The following NEMP2 variants were observed in gnomAD, a reference collection of about 807,000 sequenced individuals.
NEMP2 encodes UPF0571 transmembrane protein.
Under a neutral mutation model 54.2 loss-of-function variants are expected in NEMP2, and 53 were observed. The observed-to-expected ratio is 0.98, with a 90% CI of 0.78 to 1.23. The LOEUF is 1.23. Ranked by LOEUF, NEMP2 falls within the 50% of genes most tolerant of loss-of-function variation. The pLI is 0.00. For missense variants in NEMP2, 455 were observed against 511.3 expected (o/e 0.89, Z 1.06); for synonymous variants, 197 against 190.3 (o/e 1.04, Z -0.29).
the NEMP2 span, among the ~76,000 whole-genome samples, chr2:190,490,562 CA>C: frequency 6.2e-5 from 9 of 144,160 alleles, no homozygotes; most frequent in Middle Eastern, 3.5e-3. The surrounding 1 kb of genome is among the most constrained non-coding windows in gnomAD (Gnocchi z 4.5). Flanking sequence ...GACTCCCTCT[CA>C]AAAAAAAAAC....
chr2:190,505,788 G>A lies in NEMP2; in HGVS notation c.*3401C>T, dbSNP rs1238561311. Reference sequence around the variant, plus strand: ...AGATTAGAAAAACAGCAGTCACAGAGAGGAAAAAGTTGGCAGGACCTGCAT... The same window carrying A: ...AGATTAGAAAAACAGCAGTCACAGAAAGGAAAAAGTTGGCAGGACCTGCAT... On this transcript the variant is annotated 3_prime_UTR_variant, in exon 9 of 9. Transcript: ENST00000409150. This position sits in a 1 kb window ranked among gnomAD's most constrained non-coding sequence, Gnocchi z 5.8. 6.6e-6 allele frequency: 1 copy of A among 152,210 alleles called. No homozygotes were observed. Among genetic ancestry groups the A allele is most frequent in the African/African-American group, 2.4e-5 (1 of 41,446 alleles). 9.4% of individuals were successfully genotyped at this position (152,210 alleles called of 1,614,324 possible).
the NEMP2 span, among the ~76,000 whole-genome samples, chr2:190,443,258 C>A: frequency 6.6e-6 from 1 of 152,078 alleles, no homozygotes; most frequent in Admixed American, 6.6e-5. The surrounding 1 kb of genome is among the most constrained non-coding windows in gnomAD (Gnocchi z 4.2). Flanking sequence ...AGTCAGATTG[C>A]CTGGCTCTGC....
the NEMP2 span, among the ~76,000 whole-genome samples, chr2:190,559,728 G>C: frequency 6.6e-6 from 1 of 152,212 alleles, no homozygotes; most frequent in African/African-American, 2.4e-5. The surrounding 1 kb of genome is among the most constrained non-coding windows in gnomAD (Gnocchi z 4.0). Context: ...TAGGCATGCA[G>C]TTGTGAGGAG....
the NEMP2 span, among the ~76,000 whole-genome samples, chr2:190,621,851 G>A: frequency 6.6e-6 from 1 of 152,200 alleles, no homozygotes; most frequent in African/African-American, 2.4e-5. Context: ...GCTCATGCCT[G>A]TAATCCCAGC....
chr2:190,473,844 A>G, the NEMP2 span, among the ~76,000 whole-genome samples: 2 of 152,330 alleles, frequency 1.3e-5, no homozygotes, highest in African/African-American at 4.8e-5. Context: ...ATGTAAAAGA[A>G]CAGAAATTAT....
the NEMP2 span, chr2:190,624,918 T>A: frequency 6.6e-6 from 1 of 152,218 alleles, no homozygotes. Flanking sequence ...CCACTTCACA[T>A]CCATTAAATC....
chr2:190,561,888 T>A, the NEMP2 span, among the ~76,000 whole-genome samples: 2 of 151,942 alleles, frequency 1.3e-5, no homozygotes, highest in East Asian at 3.9e-4. The surrounding 1 kb of genome is among the most constrained non-coding windows in gnomAD (Gnocchi z 5.4). Flanking sequence ...CCTGGAAGAG[T>A]CTCAGAGGCT....
the NEMP2 span, chr2:190,609,725 G>A: frequency 6.6e-6 from 1 of 152,146 alleles, no homozygotes; most frequent in Middle Eastern, 3.2e-3. This position sits in a 1 kb window ranked among gnomAD's most constrained non-coding sequence, Gnocchi z 4.7. Context: ...TTTCTATCAT[G>A]CTTGTATATT....
Position 190,533,586 on chromosome 2 carries a change from A to G in NEMP2, c.97+973T>C, listed in dbSNP as rs1366241493. Among the ~76,000 whole-genome samples the G allele has an allele frequency of 6.6e-6, 1 of 152,124 alleles. No homozygotes were observed. The highest frequency in any genetic ancestry group is 1.5e-5 in the Non-Finnish European group (1 of 68,016). On this transcript the variant is annotated intron_variant, in intron 1 of 8. Coordinates refer to ENST00000409150, the MANE Select transcript of NEMP2 (RefSeq NM_001142645.2). This position sits in a 1 kb window ranked among gnomAD's most constrained non-coding sequence, Gnocchi z 4.3. ...GTTGGGAGCTGTGGCAGAATCTGAT[A>G]ATGACCTCATCAACATCCAGTCTCT...
At chr2:190,578,823 A>G in the NEMP2 span, among the ~76,000 whole-genome samples, 2 of 152,012 alleles carry the variant, frequency 1.3e-5, no homozygotes, top group Non-Finnish European at 2.9e-5. This position sits in a 1 kb window ranked among gnomAD's most constrained non-coding sequence, Gnocchi z 4.4. Flanking sequence ...AGTGCCAGGA[A>G]CACCCATTTC....
At chr2:190,641,538 TGGA>T in the NEMP2 span, 3 of 152,404 alleles carry the variant, frequency 2.0e-5, no homozygotes, top group African/African-American at 7.3e-5. Context: ...GCAAACAGGG[TGGA>T]GAAGGGTAAA....
At chr2:190,477,684 A>T in the NEMP2 span, among the ~76,000 whole-genome samples, 1 of 152,388 alleles carries the variant, frequency 6.6e-6, no homozygotes, top group East Asian at 1.9e-4. Flanking sequence ...ATATTAACTC[A>T]GGCCACAAGG....
the NEMP2 span, among the ~76,000 whole-genome samples, chr2:190,631,706 A>C: frequency 6.6e-6 from 1 of 152,180 alleles, no homozygotes; most frequent in Non-Finnish European, 1.5e-5. Flanking sequence ...TAATTTCTCA[A>C]ATCCTCACTT....
At chr2:190,461,791 G>T in the NEMP2 span, among the ~76,000 whole-genome samples, 1 of 152,054 alleles carries the variant, frequency 6.6e-6, no homozygotes, top group East Asian at 1.9e-4. This position sits in a 1 kb window ranked among gnomAD's most constrained non-coding sequence, Gnocchi z 5.5. Flanking sequence ...ATTTTGGAGG[G>T]TATACAGACA....
rs1214509807 is a variant in NEMP2 at position 190,522,679 on chromosome 2, T to C, written c.213+2584A>G. Among the ~76,000 whole-genome samples, 1 of 152,182 alleles carries C rather than the reference T, an allele frequency of 6.6e-6. No homozygotes were observed. ...ATATCAATACAGACCTTAAGTCTGA[T>C]AAGAAGCATTTATAATCTATTCTCT... On this transcript the variant is annotated intron_variant, in intron 2 of 8. Transcript: ENST00000409150. This position sits in a 1 kb window ranked among gnomAD's most constrained non-coding sequence, Gnocchi z 5.0.
the NEMP2 span, among the ~76,000 whole-genome samples, chr2:190,571,178 A>G: frequency 6.6e-6 from 1 of 152,236 alleles, no homozygotes; most frequent in African/African-American, 2.4e-5. Context: ...GGAGGATTAC[A>G]TAAGTTAATA....
intron 2 of NEMP2, among the ~76,000 whole-genome samples, chr2:190,524,893 G>C (rs1274665548): frequency 6.6e-6 from 1 of 152,188 alleles, no homozygotes; most frequent in Admixed American, 6.5e-5. Flanking sequence ...CTGCTATCTT[G>C]GCCATATTTG....
rs551396662 is a variant in NEMP2 at position 190,510,555 on chromosome 2, G to A, written c.954-18C>T. The A allele has an allele frequency of 6.4e-7, 1 of 1,551,516 alleles. No individual in the cohort carries two copies. Among genetic ancestry groups the A allele is most frequent in the East Asian group, 2.4e-5 (1 of 40,922 alleles). On this transcript the variant is annotated intron_variant, in intron 7 of 8. Coordinates refer to ENST00000409150, the MANE Select transcript of NEMP2 (RefSeq NM_001142645.2). The surrounding 1 kb of genome is among the most constrained non-coding windows in gnomAD (Gnocchi z 5.7). ...CCATTTTCCTAAAACATGGCATGTG[G>A]TTGCAGGATTACTTCCTAATTCAAT...
chr2:190,589,066 C>T, the NEMP2 span, among the ~76,000 whole-genome samples: 1 of 152,132 alleles, frequency 6.6e-6, no homozygotes, highest in South Asian at 2.1e-4. This position sits in a 1 kb window ranked among gnomAD's most constrained non-coding sequence, Gnocchi z 4.3. Flanking sequence ...GAATAAGCTG[C>T]ATTGGAAGCT....
Sources: allele counts gnomAD v4.1 joint callset (sites outside exome capture counted in the v4.1 genomes callset), GRCh38; gene constraint gnomAD v4.1.1; non-coding constraint Gnocchi (gnomAD v3.1); transcripts MANE v1.5; gene names NCBI Gene and HGNC (gene_info 2026-07-23, HGNC 2026-07-21).